Variants in MYL5 observed in about 807,000 individuals in gnomAD.
MYL5 encodes myosin light chain 5.
In MYL5, 28 loss-of-function variants were observed where a neutral mutation model predicts 20.8. The ratio of observed to expected loss-of-function variants is 1.35; its 90% CI spans 1.00 to 1.84. MYL5 has a LOEUF of 1.84. Ranked by LOEUF, MYL5 falls within the 40% of genes most tolerant of loss-of-function variation. The pLI, the probability that MYL5 is intolerant of heterozygous loss-of-function variation, is 0.00. For missense variants in MYL5, 274 were observed against 227.3 expected (o/e 1.21, Z -1.32); for synonymous variants, 118 against 87.4 (o/e 1.35, Z -1.95).
At chr4:680,729 CAGGATCCCAGCTGAGT>C in intron 5 of MYL5, 142 bp downstream of exon 7, 1 of 849,088 alleles carries the variant, frequency 1.2e-6, no homozygotes, top group South Asian at 1.7e-5. Context: ...GGAGCGAACC[CAGGATCCCAGCTGAGT>C]GGGAGGCCAG....
chr4:681,189 C>G, intron 6 of MYL5, 49 bp downstream of exon 8: 1 of 1,573,944 alleles, frequency 6.4e-7, no homozygotes, highest in South Asian at 1.2e-5. Flanking sequence ...GGGCGGGGCT[C>G]CCGGGGTCAG....
upstream of MYL5, chr4:675,272 G>C (rs774175147): frequency 6.6e-6 from 1 of 152,464 alleles, no homozygotes; most frequent in Non-Finnish European, 1.5e-5. Context: ...GTCTAGGCAG[G>C]AGCCTGGCAC....
intron 3 of MYL5, 148 bp from the exon 6 acceptor site, chr4:679,766 A>C: frequency 1.5e-6 from 1 of 651,900 alleles, no homozygotes; most frequent in South Asian, 1.9e-5. Context: ...AGATGCACCC[A>C]CTGCCCCACG....
At chr4:679,268 A>G in intron 3 of MYL5, 1 of 634,174 alleles carries the variant, frequency 1.6e-6, no homozygotes, top group South Asian at 1.6e-5. Flanking sequence ...CTGGAAACTC[A>G]GAGTGGGCTT....
rs1739153043 is a variant in MYL5, at chr4:679,041, C to T, written c.187+8C>T. On this transcript the variant is annotated splice_region_variant and intron_variant, in intron 3 of 6. Transcript: ENST00000400159. The stretch of plus-strand genomic sequence containing the variant: ...ACACCTATGCCTCCCTGGGTAGGTA[C>T]CCAGGCAGAACGCCTCAGAGCCCTT... 1 of 1,612,798 alleles carries T rather than the reference C, an allele frequency of 6.2e-7. No individual in the cohort carries two copies.
chr4:674,649 C>T, upstream of MYL5: 2 of 270,686 alleles, frequency 7.4e-6, no homozygotes, highest in East Asian at 1.1e-4. Flanking sequence ...CCGGGGCGCA[C>T]TCTGTCTTCT....
intron 6 of MYL5, 102 bp from the exon 9 acceptor site, chr4:681,791 T>A: frequency 1.7e-6 from 2 of 1,209,696 alleles, no homozygotes. Context: ...CCCTCCCCGC[T>A]CCCCCTCCCG....
At chr4:674,625 C>G, upstream of MYL5, 1 of 314,212 alleles carries the variant, frequency 3.2e-6, no homozygotes, top group Non-Finnish European at 6.0e-6. Flanking sequence ...TGTGTCCACA[C>G]CCCAGACTGC....
Position 681,109 on chromosome 4 carries a change from TGTCCCAG to T in MYL5, c.391_397del (p.Ser131LeufsTer4), listed in dbSNP as rs1357431640. On this transcript the variant is annotated frameshift_variant, in exon 6 of 7. Transcript: ENST00000400159. LOFTEE classifies it low-confidence loss of function (END_TRUNC). ...GTCCTCAGCATCAAGCGTCTGCTGATGTCCCAGGCTGACAAGATGACGGCGGAAGAGG... is the reference window on the plus strand; with the variant it reads ...GTCCTCAGCATCAAGCGTCTGCTGATGCTGACAAGATGACGGCGGAAGAGG... 6.8e-6 allele frequency: 11 copies of T among 1,606,258 alleles called. 1 individual carries two copies. The African/African-American group carries it at 8.0e-5, about 12-fold the overall frequency.
chr4:681,319 C>G (rs1269068456), intron 6 of MYL5, among the ~76,000 whole-genome samples, 179 bp downstream of exon 8: 3 of 152,094 alleles, frequency 2.0e-5, no homozygotes, highest in African/African-American at 7.2e-5. Context: ...TCAGAGGGAT[C>G]AGGTCAGCGG....
upstream of MYL5, chr4:677,783 A>AG: frequency 1.6e-6 from 1 of 613,902 alleles, no homozygotes; most frequent in South Asian, 1.9e-5. Context: ...GATGGGAGGT[A>AG]GTCCTGGCCA....
At chr4:676,682 T>TC (rs1560151201), upstream of MYL5, among the ~76,000 whole-genome samples, 1 of 151,696 alleles carries the variant, frequency 6.6e-6, no homozygotes, top group Non-Finnish European at 1.5e-5. Context: ...CAACCATGCT[T>TC]CCCCCCTCGG....
chr4:681,821 G>T, intron 6 of MYL5, 72 bp from the exon 9 acceptor site: 2 of 1,258,452 alleles, frequency 1.6e-6, no homozygotes, highest in Non-Finnish European at 2.0e-6. Flanking sequence ...AACCACACCC[G>T]GGGCCGCTGC....
chr4:678,258 T>C (rs1187642575), intron 1 of MYL5: 11 of 1,469,934 alleles, frequency 7.5e-6, no homozygotes, highest in Non-Finnish European at 1.8e-6. Flanking sequence ...CTCACGTTGC[T>C]CTCCTGGTGA....
intron 1 of MYL5, chr4:678,362 AG>A: frequency 7.1e-7 from 1 of 1,413,010 alleles, no homozygotes; most frequent in Non-Finnish European, 9.2e-7. Flanking sequence ...TCAAGCCTTC[AG>A]AGGCCAAGCT....
At chr4:676,683 C>A (rs1738873136), upstream of MYL5, among the ~76,000 whole-genome samples, 2 of 152,138 alleles carry the variant, frequency 1.3e-5, no homozygotes, top group East Asian at 1.9e-4. Context: ...AACCATGCTT[C>A]CCCCCTCGGT....
At chr4:675,621 GCT>G (rs2109311411), upstream of MYL5, 3 of 152,718 alleles carry the variant, frequency 2.0e-5, no homozygotes, top group African/African-American at 7.2e-5. Flanking sequence ...AAGTCACTGG[GCT>G]CTGTTTCCTG....
At chr4:677,068 G>A (rs1340346343), upstream of MYL5, among the ~76,000 whole-genome samples, 1 of 152,196 alleles carries the variant, frequency 6.6e-6, no homozygotes, top group African/African-American at 2.4e-5. Context: ...TGCTGTTGTG[G>A]CTGCATATAG....
intron 3 of MYL5, 120 bp downstream of exon 5, chr4:679,153 C>A: frequency 2.9e-6 from 2 of 694,016 alleles, no homozygotes; most frequent in Non-Finnish European, 4.2e-6. Context: ...AGAGGCCCAC[C>A]AACGGCCCTG....
Sources: gnomAD v4.1 joint callset for allele counts (sites outside exome capture counted in the v4.1 genomes callset) on GRCh38, gnomAD v4.1.1 for gene constraint, MANE v1.5 for transcripts, NCBI Gene and HGNC (gene_info 2026-07-23, HGNC 2026-07-21) for gene names.